The following MAML2 variants were observed in gnomAD, a reference collection of about 807,000 sequenced individuals.
MAML2 encodes mastermind like transcriptional coactivator 2.
MAML2 carries 22 observed loss-of-function variants against 96.1 expected under a neutral mutation model. The observed-to-expected ratio is 0.23, with a 90% CI of 0.16 to 0.33. The LOEUF (loss-of-function observed/expected upper bound fraction) is 0.33. MAML2 is among the 10% of genes least tolerant of loss of function. The pLI is 1.00. For missense variants in MAML2, 1,367 were observed against 1,392.4 expected (o/e 0.98, Z 0.29); for synonymous variants, 561 against 521.3 (o/e 1.08, Z -1.04).
chr11:96,014,503 T>C (rs1858312982), intron 2 of MAML2, among the ~76,000 whole-genome samples: 1 of 152,176 alleles, frequency 6.6e-6, no homozygotes, highest in South Asian at 2.1e-4. Context: ...CAGTGATGAA[T>C]TGTAGAGAGA....
At chr11:96,305,440 C>T (rs1863450204) in intron 1 of MAML2, among the ~76,000 whole-genome samples, 1 of 152,100 alleles carries the variant, frequency 6.6e-6, no homozygotes, top group Admixed American at 6.5e-5. Context: ...GGTGACTATG[C>T]ATGGATAGGG....
At chr11:96,115,471 G>A (rs1020902997) in intron 1 of MAML2, among the ~76,000 whole-genome samples, 4 of 102,536 alleles carry the variant, frequency 3.9e-5, no homozygotes, top group Middle Eastern at 4.5e-3. Context: ...CACACCTGGC[G>A]GATTTTTTTT....
intron 1 of MAML2, among the ~76,000 whole-genome samples, chr11:96,272,278 T>C (rs184067940): frequency 6.6e-6 from 1 of 152,316 alleles, no homozygotes; most frequent in Admixed American, 6.5e-5. Flanking sequence ...TGGCATATAG[T>C]AGGACTCAAT....
chr11:96,142,219 T>C (rs543986285), intron 1 of MAML2, among the ~76,000 whole-genome samples: 13 of 152,278 alleles, frequency 8.5e-5, no homozygotes, highest in Non-Finnish European at 1.9e-4. Context: ...AAATGACTTC[T>C]ATGTTGAAAC....
At chr11:96,333,014 G>A (rs1863873694) in intron 1 of MAML2, among the ~76,000 whole-genome samples, 1 of 152,170 alleles carries the variant, frequency 6.6e-6, no homozygotes, top group African/African-American at 2.4e-5. Flanking sequence ...CTTAGAAACA[G>A]ACATGTAATT....
At chr11:96,226,088 A>G (rs1006502402) in intron 1 of MAML2, among the ~76,000 whole-genome samples, 2 of 152,230 alleles carry the variant, frequency 1.3e-5, no homozygotes, top group Non-Finnish European at 2.9e-5. Context: ...ACAAAGACAA[A>G]TAAGATATGG....
chr11:96,204,755 G>T (rs1200710651), intron 1 of MAML2, among the ~76,000 whole-genome samples: 4 of 152,204 alleles, frequency 2.6e-5, no homozygotes, highest in African/African-American at 9.7e-5. Flanking sequence ...CTTAGTAGCA[G>T]AGAGAGAGGA....
In MAML2 at chr11:96,032,160, C is replaced by T. The variant is rs141057812; in HGVS notation, c.2140-40437G>A. ...AAGAATATGGATCAACTGGAATACT[C>T]GAACACTCCAGACAGGATAGCAAAG... On this transcript the variant is annotated intron_variant, in intron 2 of 4. Transcript: ENST00000524717. Among the ~76,000 whole-genome samples the T allele has an allele frequency of 3.5e-3, 532 of 152,030 alleles. 3 individuals carry two copies. The highest frequency in any genetic ancestry group is 0.012 in the African/African-American group (509 of 41,446).
intron 1 of MAML2, among the ~76,000 whole-genome samples, chr11:96,261,472 G>A (rs1391303102): frequency 1.3e-5 from 2 of 152,144 alleles, no homozygotes; most frequent in Non-Finnish European, 1.5e-5. Flanking sequence ...GGAAAGACAA[G>A]GTGTATTCTA....
intron 1 of MAML2, among the ~76,000 whole-genome samples, chr11:96,104,832 A>C (rs1459875948): frequency 1.3e-5 from 2 of 151,506 alleles, no homozygotes; most frequent in Non-Finnish European, 2.9e-5. Flanking sequence ...GTGAAGAGGG[A>C]GAGGGGCAAT....
At chr11:96,317,796 C>A (rs186728849) in intron 1 of MAML2, among the ~76,000 whole-genome samples, 1 of 152,330 alleles carries the variant, frequency 6.6e-6, no homozygotes, top group Admixed American at 6.5e-5. Flanking sequence ...CCCCAGGGCA[C>A]CTGCGTCTTT....
At chr11:96,184,552 C>G (rs1861543175) in intron 1 of MAML2, among the ~76,000 whole-genome samples, 1 of 151,560 alleles carries the variant, frequency 6.6e-6, no homozygotes, top group Non-Finnish European at 1.5e-5. Flanking sequence ...TATTCAAATT[C>G]CAAATGGAAT....
At chr11:96,253,010 A>G (rs1862607561) in intron 1 of MAML2, among the ~76,000 whole-genome samples, 1 of 152,236 alleles carries the variant, frequency 6.6e-6, no homozygotes, top group Non-Finnish European at 1.5e-5. Context: ...CTCTTTAAAC[A>G]AATACTTGGT....
intron 1 of MAML2, among the ~76,000 whole-genome samples, chr11:96,279,265 C>A (rs905177702): frequency 3.3e-5 from 5 of 152,116 alleles, no homozygotes; most frequent in Non-Finnish European, 7.4e-5. Context: ...GACGTTACCA[C>A]GGAGACTGCA....
At chr11:96,252,109 C>T (rs568437037) in intron 1 of MAML2, among the ~76,000 whole-genome samples, 2 of 151,962 alleles carry the variant, frequency 1.3e-5, no homozygotes, top group Non-Finnish European at 2.9e-5. Flanking sequence ...CCAATTGGGT[C>T]TAAATACTTT....
intron 2 of MAML2, among the ~76,000 whole-genome samples, chr11:96,026,264 CGGCTAA>C (rs1858516249): frequency 6.6e-6 from 1 of 152,198 alleles, no homozygotes; most frequent in South Asian, 2.1e-4. Context: ...TGCAGCCCTG[CGGCTAA>C]AGTTTGCTGA....
intron 1 of MAML2, among the ~76,000 whole-genome samples, chr11:96,186,483 G>A (rs762209231): frequency 6.6e-6 from 1 of 152,160 alleles, no homozygotes; most frequent in Non-Finnish European, 1.5e-5. Context: ...CAGCTACTCA[G>A]GAGGCTGAGA....
intron 2 of MAML2, among the ~76,000 whole-genome samples, chr11:96,074,578 C>T (rs142924624): frequency 1.1e-3 from 171 of 152,294 alleles, no homozygotes; most frequent in African/African-American, 3.8e-3. Context: ...ATGACGATGG[C>T]GGCGCAAAGC....
chr11:96,071,619 G>A (rs985303656), intron 2 of MAML2, among the ~76,000 whole-genome samples: 1 of 152,240 alleles, frequency 6.6e-6, no homozygotes, highest in African/African-American at 2.4e-5. Flanking sequence ...AGAAGGTGCA[G>A]TAGAAAGGTT....
Sources: gnomAD v4.1 joint callset for allele counts (sites outside exome capture counted in the v4.1 genomes callset) on GRCh38, gnomAD v4.1.1 for gene constraint, MANE v1.5 for transcripts, NCBI Gene and HGNC (gene_info 2026-07-23, HGNC 2026-07-21) for gene names.